Variants in HSD17B3 observed in about 807,000 individuals in gnomAD.
The protein encoded by HSD17B3 is 17-beta-hydroxysteroid dehydrogenase type 3.
A neutral mutation model predicts 41.1 loss-of-function variants in HSD17B3; 29 were observed. That is an observed-to-expected ratio of 0.71 (90% CI 0.53 to 0.96). HSD17B3 has a LOEUF of 0.96. HSD17B3 is among the 40% of genes least tolerant of loss of function. The pLI is 0.00. For missense variants in HSD17B3, 323 were observed against 374.6 expected (o/e 0.86, Z 1.14); for synonymous variants, 126 against 145.6 (o/e 0.87, Z 0.97).
At chr9:96,300,912 CT>C (rs1227342748) in intron 1 of HSD17B3, among the ~76,000 whole-genome samples, 1 of 152,056 alleles carries the variant, frequency 6.6e-6, no homozygotes, top group Non-Finnish European at 1.5e-5. Flanking sequence ...CACTTGGATC[CT>C]TTTTTTAATA....
chr9:96,254,687 T>C (rs1169809234), intron 3 of HSD17B3, among the ~76,000 whole-genome samples, 181 bp downstream of exon 3: 1 of 152,192 alleles, frequency 6.6e-6, no homozygotes, highest in Non-Finnish European at 1.5e-5. Flanking sequence ...ACAGAGCCAG[T>C]GTGCACTAAA....
At chr9:96,278,273 G>A (rs1826553648) in intron 2 of HSD17B3, among the ~76,000 whole-genome samples, 1 of 152,024 alleles carries the variant, frequency 6.6e-6, no homozygotes, top group Non-Finnish European at 1.5e-5. Context: ...TCCCAAAAAA[G>A]AACAAGAAAA....
chr9:96,255,633 G>A (rs1164058813), intron 2 of HSD17B3, among the ~76,000 whole-genome samples: 1 of 151,892 alleles, frequency 6.6e-6, no homozygotes, highest in Non-Finnish European at 1.5e-5. Flanking sequence ...CATGTGATCC[G>A]TCCGCCTCAG....
chr9:96,254,881 A>G lies in HSD17B3; in HGVS notation c.264T>C (p.Ile88=). The G allele has an allele frequency of 6.2e-7, 1 of 1,614,020 alleles. No individual in the cohort carries two copies. The highest frequency in any genetic ancestry group is 8.5e-7 in the Non-Finnish European group (1 of 1,179,942). Reference sequence around the variant, plus strand: ...GGGGTCACTCACCGATCTCTGTGGCAATGGCCTCTAGTTTTTCCAGCGTCC... The same window carrying G: ...GGGGTCACTCACCGATCTCTGTGGCGATGGCCTCTAGTTTTTCCAGCGTCC... ...ISRTLEKLEA[I]ATEIERTTGR... The change falls in exon 3 of 11, where the codon ATT becomes ATC. Residue 88 remains isoleucine (I), a synonymous_variant. Coordinates refer to ENST00000375263, the MANE Select transcript of HSD17B3 (RefSeq NM_000197.2).
At chr9:96,253,503 A>T (rs972928483) in intron 3 of HSD17B3, among the ~76,000 whole-genome samples, 3 of 152,196 alleles carry the variant, frequency 2.0e-5, no homozygotes. Context: ...AACCTTCTAA[A>T]GTAGGCATTA....
chr9:96,241,254 A>G (rs1224657095), intron 9 of HSD17B3, among the ~76,000 whole-genome samples: 1 of 152,208 alleles, frequency 6.6e-6, no homozygotes, highest in Admixed American at 6.5e-5. Context: ...CAAACAATGA[A>G]AACCACTTCA....
chr9:96,275,132 A>C (rs561205111), intron 2 of HSD17B3, among the ~76,000 whole-genome samples: 1 of 152,232 alleles, frequency 6.6e-6, no homozygotes, highest in South Asian at 2.1e-4. Flanking sequence ...TATACCCAGC[A>C]CAATTATCCT....
intron 2 of HSD17B3, among the ~76,000 whole-genome samples, chr9:96,281,428 C>T (rs1033097898): frequency 3.3e-5 from 5 of 152,194 alleles, no homozygotes; most frequent in African/African-American, 1.2e-4. Context: ...TCTCCTAAGA[C>T]AGAGCAGGTT....
intron 4 of HSD17B3, among the ~76,000 whole-genome samples, chr9:96,252,045 T>C (rs1252169052): frequency 2.6e-5 from 4 of 152,206 alleles, no homozygotes; most frequent in Non-Finnish European, 5.9e-5. Flanking sequence ...GTAAAGTATC[T>C]TGTCTATAAA....
chr9:96,290,480 C>T (rs111731431), intron 2 of HSD17B3, among the ~76,000 whole-genome samples: 2,347 of 12,372 alleles, frequency 0.19, 88 homozygotes, highest in African/African-American at 0.36. Flanking sequence ...TTTTTTTTTT[C>T]CACATATCCC....
chr9:96,286,561 A>C (rs1008821827), intron 2 of HSD17B3, among the ~76,000 whole-genome samples: 1 of 150,088 alleles, frequency 6.7e-6, no homozygotes, highest in Admixed American at 6.6e-5. Flanking sequence ...ATGGTGGCAC[A>C]TGCCTGTAAT....
At chr9:96,241,042 G>GA in intron 9 of HSD17B3, 135 bp from the exon 10 acceptor site, 1 of 1,055,456 alleles carries the variant, frequency 9.5e-7, no homozygotes. Context: ...ATCTTGAGTG[G>GA]AAAAAGGCAC....
At chr9:96,270,673 C>T (rs957277455) in intron 2 of HSD17B3, among the ~76,000 whole-genome samples, 1 of 152,206 alleles carries the variant, frequency 6.6e-6, no homozygotes, top group Non-Finnish European at 1.5e-5. Context: ...CTGAAGTTAT[C>T]GGGAACACTG....
At chr9:96,263,553 T>TA (rs55948029) in intron 2 of HSD17B3, among the ~76,000 whole-genome samples, 2 of 144,392 alleles carry the variant, frequency 1.4e-5, no homozygotes, top group Non-Finnish European at 1.5e-5. Flanking sequence ...CCGTCTCTAC[T>TA]AAAAAAAAAA....
At chr9:96,248,633 G>A (rs1244867234) in intron 6 of HSD17B3, among the ~76,000 whole-genome samples, 1 of 152,302 alleles carries the variant, frequency 6.6e-6, no homozygotes, top group African/African-American at 2.4e-5. Flanking sequence ...TAGTGCAGGT[G>A]GGAAGCTCAG....
At chr9:96,243,783 C>G (rs529873113) in intron 9 of HSD17B3, among the ~76,000 whole-genome samples, 1 of 152,268 alleles carries the variant, frequency 6.6e-6, no homozygotes, top group African/African-American at 2.4e-5. Flanking sequence ...TCCACGATGA[C>G]CTGTGGAAGG....
intron 1 of HSD17B3, among the ~76,000 whole-genome samples, chr9:96,300,246 A>ACACACACACACACACACACACG (rs1827537225): frequency 1.3e-5 from 2 of 151,336 alleles, no homozygotes; most frequent in Non-Finnish European, 2.9e-5. Flanking sequence ...ACACACACAC[A>ACACACACACACACACACACACG]CACACACGCA....
rs116530138 is a variant in HSD17B3, at chr9:96,302,033, G to A, written c.72C>T (p.Cys24=). The change falls in exon 1 of 11, where the codon TGC becomes TGT. Residue 24 remains cysteine, a synonymous_variant. Coordinates refer to ENST00000375263, the MANE Select transcript of HSD17B3 (RefSeq NM_000197.2). ...GTAAAACACATCTGGAGAATCTCAC[G>A]CACTTCGCCAGGCAGGCCAGGCACA... ...LLVCLACLAK[C]VRFSRCVLLN... The A allele has an allele frequency of 2.8e-5, 45 of 1,614,092 alleles. No homozygotes were observed. In the African/African-American group the frequency reaches 2.9e-4, roughly 11 times the overall value.
chr9:96,257,016 C>T (rs1160741441), intron 2 of HSD17B3, among the ~76,000 whole-genome samples: 2 of 152,142 alleles, frequency 1.3e-5, no homozygotes, highest in South Asian at 2.1e-4. Context: ...CCTCCCCCTT[C>T]TCTTCCTGCT....
Sources: allele counts gnomAD v4.1 joint callset (sites outside exome capture counted in the v4.1 genomes callset), GRCh38; gene constraint gnomAD v4.1.1; transcripts MANE v1.5; gene names NCBI Gene and HGNC (gene_info 2026-07-23, HGNC 2026-07-21).